The following LARGE1 variants were observed in gnomAD, a reference collection of about 807,000 sequenced individuals.
LARGE1 encodes xylosyl- and glucuronyltransferase LARGE1.
A neutral mutation model predicts 87.6 loss-of-function variants in LARGE1; 43 were observed. The ratio of observed to expected loss-of-function variants is 0.49; its 90% confidence interval spans 0.38 to 0.63. The LOEUF is 0.63. Among genes scored for constraint, LARGE1 ranks in the 30% least tolerant of loss-of-function variants. LARGE1 has a pLI of 0.00. For synonymous variants in LARGE1, 434 were observed against 394.6 expected (o/e 1.10, Z -1.18); for missense variants, 802 against 1,000.2 (o/e 0.80, Z 2.67).
chr22:33,347,101 C>A (rs1939852551), intron 9 of LARGE1, among the ~76,000 whole-genome samples: 1 of 152,136 alleles, frequency 6.6e-6, no homozygotes, highest in South Asian at 2.1e-4. Context: ...GAAATTCAAA[C>A]CCCCTACTTT....
chr22:33,556,727 G>C (rs528183039), intron 6 of LARGE1, among the ~76,000 whole-genome samples: 29 of 151,370 alleles, frequency 1.9e-4, no homozygotes, highest in South Asian at 4.2e-4. Context: ...AAAAAAAGAG[G>C]CTGGCTGCAG....
chr22:33,488,097 C>G (rs1192017462), intron 6 of LARGE1, among the ~76,000 whole-genome samples: 2 of 152,202 alleles, frequency 1.3e-5, no homozygotes, highest in Non-Finnish European at 2.9e-5. Flanking sequence ...GCCCAAAGGA[C>G]TTGGTGAAAT....
chr22:33,607,488 T>C (rs1387387957), intron 4 of LARGE1, among the ~76,000 whole-genome samples: 1 of 109,796 alleles, frequency 9.1e-6, no homozygotes, highest in East Asian at 2.8e-4. Context: ...AAAAAAAGTG[T>C]CTATCCCAGG....
At chr22:33,337,479 C>T (rs1184293526) in intron 10 of LARGE1, among the ~76,000 whole-genome samples, 167 bp downstream of exon 10, 2 of 152,094 alleles carry the variant, frequency 1.3e-5, no homozygotes, top group Admixed American at 6.6e-5. Flanking sequence ...GCAAAGGACC[C>T]GCTGATGTAC....
the LARGE1 span, among the ~76,000 whole-genome samples, chr22:33,131,691 C>T: frequency 3.9e-5 from 6 of 152,160 alleles, no homozygotes; most frequent in Non-Finnish European, 5.9e-5. Context: ...GAAAGACCCA[C>T]CCCCAAGATT....
the LARGE1 span, among the ~76,000 whole-genome samples, chr22:33,085,882 C>T: frequency 6.6e-6 from 1 of 152,118 alleles, no homozygotes; most frequent in Non-Finnish European, 1.5e-5. Context: ...AATTTTGCTT[C>T]AAGCAAATGG....
Position 33,360,752 on chromosome 22 carries a change from G to A in LARGE1, c.1131+21167C>T, listed in dbSNP as rs1275143461. On this transcript the variant is annotated intron_variant, in intron 9 of 14. Transcript: ENST00000397394. ...GTTAAGTGAAAATGCTATATAAACT[G>A]CGTGATGTTTGCAGATAATTGCAGT... 1.3e-5 allele frequency among the ~76,000 whole-genome samples: 2 copies of A among 149,574 alleles called. 1 individual carries two copies. Among genetic ancestry groups the A allele is most frequent in the African/African-American group, 4.9e-5 (2 of 40,612 alleles).
chr22:33,785,671 T>C (rs959109544), intron 1 of LARGE1, among the ~76,000 whole-genome samples: 3 of 152,224 alleles, frequency 2.0e-5, no homozygotes, highest in Non-Finnish European at 4.4e-5. Context: ...TTTGTTCATT[T>C]ACAAATACTT....
chr22:33,850,567 C>G (rs1055074553), intron 1 of LARGE1, among the ~76,000 whole-genome samples: 3 of 152,210 alleles, frequency 2.0e-5, no homozygotes, highest in African/African-American at 7.2e-5. Context: ...TAATAAATGA[C>G]AGACAGTCGT....
chr22:33,741,095 A>G (rs1174100523), intron 2 of LARGE1, among the ~76,000 whole-genome samples: 1 of 152,224 alleles, frequency 6.6e-6, no homozygotes, highest in East Asian at 1.9e-4. Flanking sequence ...TTCATAAAAG[A>G]AGGCAAGCCT....
At chr22:33,080,750 T>A in the LARGE1 span, among the ~76,000 whole-genome samples, 2 of 152,198 alleles carry the variant, frequency 1.3e-5, no homozygotes, top group African/African-American at 4.8e-5. Context: ...GTGGTAAAGC[T>A]GGGATTTGAA....
At chr22:33,404,097 A>G (rs1203617826) in intron 7 of LARGE1, among the ~76,000 whole-genome samples, 1 of 152,228 alleles carries the variant, frequency 6.6e-6, no homozygotes, top group African/African-American at 2.4e-5. Context: ...CATATAGTCT[A>G]TTGTATGATA....
intron 1 of LARGE1, among the ~76,000 whole-genome samples, chr22:33,829,177 T>C (rs12053772): frequency 0.13 from 19,513 of 151,700 alleles, 1,312 homozygotes; most frequent in Middle Eastern, 0.2. Flanking sequence ...CCTGGCTAAT[T>C]TTTGTATTTT....
At chr22:33,764,721 C>T (rs2084845623) in intron 1 of LARGE1, among the ~76,000 whole-genome samples, 1 of 152,148 alleles carries the variant, frequency 6.6e-6, no homozygotes. Context: ...TGTGCCACCG[C>T]ACTCCAGCCT....
intron 13 of LARGE1, among the ~76,000 whole-genome samples, chr22:33,280,558 C>T (rs1269583804): frequency 6.6e-6 from 1 of 152,174 alleles, no homozygotes; most frequent in Non-Finnish European, 1.5e-5. Flanking sequence ...CAGTTCTAGT[C>T]ATCTGGCTGA....
At chr22:33,214,947 C>T (rs1481985240) in intron 11 of LARGE1, among the ~76,000 whole-genome samples, 1 of 152,118 alleles carries the variant, frequency 6.6e-6, no homozygotes, top group Non-Finnish European at 1.5e-5. Context: ...CCCCAAGGTC[C>T]CACGAGCACC....
the LARGE1 span, among the ~76,000 whole-genome samples, chr22:33,096,699 G>A: frequency 6.6e-6 from 1 of 151,662 alleles, no homozygotes; most frequent in Non-Finnish European, 1.5e-5. Flanking sequence ...CGAGCAGGTG[G>A]GACTACGGGC....
At chr22:33,327,578 C>T (rs1273160288) in intron 10 of LARGE1, among the ~76,000 whole-genome samples, 3 of 152,154 alleles carry the variant, frequency 2.0e-5, no homozygotes, top group East Asian at 3.9e-4. Context: ...TCTAGGGCCA[C>T]GGGGTCTTGC....
rs1005562395 is a variant in LARGE1, at chr22:33,785,096, C to T, written c.-82-23538G>A. Among the ~76,000 whole-genome samples the T allele has an allele frequency of 3.9e-4, 49 of 125,452 alleles. 1 individual carries two copies. Among genetic ancestry groups the T allele is most frequent in the African/African-American group, 1.2e-3 (40 of 32,312 alleles). 82.3% of individuals were successfully genotyped at this position (125,452 alleles called of 152,430 possible). A position where few individuals can be genotyped will look rare whatever the true frequency, so the allele number is the denominator to read the frequency against. ...GTGTATACATACATATGTGTATATACATGTGTATACATACATATGTGTATA... is the reference window on the plus strand; with the variant it reads ...GTGTATACATACATATGTGTATATATATGTGTATACATACATATGTGTATA... On this transcript the variant is annotated intron_variant, in intron 1 of 14. Transcript: ENST00000397394.
Sources: allele counts gnomAD v4.1 joint callset (sites outside exome capture counted in the v4.1 genomes callset), GRCh38; gene constraint gnomAD v4.1.1; transcripts MANE v1.5; gene names NCBI Gene and HGNC (gene_info 2026-07-23, HGNC 2026-07-21).